TBC1D16: variants seen among roughly 807,000 people sequenced by gnomAD.
The protein encoded by TBC1D16 is TBC1 domain family member 16, also known as CTD-2529O21.1.
A neutral mutation model predicts 74.7 loss-of-function variants in TBC1D16; 58 were observed. That is an observed-to-expected ratio of 0.78 (90% confidence interval 0.63 to 0.97). The LOEUF (loss-of-function observed/expected upper bound fraction) is 0.97. TBC1D16 is among the 50% of genes least tolerant of loss of function. TBC1D16 has a pLI of 0.00. For synonymous variants in TBC1D16, 493 were observed against 474.7 expected, an observed-to-expected ratio of 1.04 and a Z score of -0.50; for missense variants, 1,014 against 1,079.5, an observed-to-expected ratio of 0.94 and a Z score of 0.85.
Position 79,944,218 on chromosome 17 carries a change from GAT to G in TBC1D16, c.1908+688_1908+689del. On this transcript the variant is annotated intron_variant, in intron 10 of 11. Coordinates refer to ENST00000310924, the MANE Select transcript of TBC1D16 (RefSeq NM_019020.4). The surrounding 1 kb of genome is among the most constrained non-coding windows in gnomAD (Gnocchi z 7.7). Reference sequence around the variant, plus strand: ...GGAGGCTGCTGGAGCTGCCGTGGTGGATAGAGCCAGCTCCTGCAAAAGGGTCC... The same window carrying G: ...GGAGGCTGCTGGAGCTGCCGTGGTGGAGAGCCAGCTCCTGCAAAAGGGTCC... 1 of 1,410,750 alleles carries G rather than the reference GAT, an allele frequency of 7.1e-7. No homozygotes were observed. Among genetic ancestry groups the G allele is most frequent in the South Asian group, 1.2e-5 (1 of 80,838 alleles). The allele number at this position is 1,410,750 out of a possible 1,614,324, so 87.4% of individuals were successfully genotyped here.
At chr17:80,017,802 A>G (rs868231194) in intron 1 of TBC1D16, among the ~76,000 whole-genome samples, 2 of 152,176 alleles carry the variant, frequency 1.3e-5, no homozygotes, top group African/African-American at 4.8e-5. Context: ...AGACCATCTG[A>G]CCAAATCCAG....
chr17:80,025,226 A>T (rs1598445568), intron 1 of TBC1D16, among the ~76,000 whole-genome samples: 1 of 149,662 alleles, frequency 6.7e-6, no homozygotes, highest in Non-Finnish European at 1.5e-5. Context: ...ACACACAGCC[A>T]CCCTCTGCTC....
At chr17:79,978,059 C>T (rs1485338428) in intron 3 of TBC1D16, among the ~76,000 whole-genome samples, 1 of 152,220 alleles carries the variant, frequency 6.6e-6, no homozygotes, top group Non-Finnish European at 1.5e-5. Flanking sequence ...CACAGCCGGC[C>T]GGATTCTGCC....
chr17:80,015,647 T>C (rs1334046977), intron 1 of TBC1D16, among the ~76,000 whole-genome samples: 2 of 151,942 alleles, frequency 1.3e-5, no homozygotes, highest in Admixed American at 1.3e-4. Flanking sequence ...GAAGCCAACA[T>C]GATAAGAATT....
chr17:79,948,807 C>T (rs2032782090), intron 8 of TBC1D16, 65 bp downstream of exon 8: 1 of 1,606,712 alleles, frequency 6.2e-7, no homozygotes, highest in African/African-American at 1.3e-5. Context: ...CATCCACTTC[C>T]CAGAGCGGTC....
Position 79,987,921 on chromosome 17 carries a change from G to C in TBC1D16, c.779+22239C>G, listed in dbSNP as rs145065412. Reference sequence around the variant, plus strand: ...ATGCAGAGGCTCAGAAAAACCCTCCGAGGCTCTCGGATTTTACGCCTGCAT... The same window carrying C: ...ATGCAGAGGCTCAGAAAAACCCTCCCAGGCTCTCGGATTTTACGCCTGCAT... On this transcript the variant is annotated intron_variant, in intron 3 of 11. Transcript: ENST00000310924. This position sits in a 1 kb window ranked among gnomAD's most constrained non-coding sequence, Gnocchi z 5.2. Among the ~76,000 whole-genome samples the C allele has an allele frequency of 1.4e-4, 22 of 152,142 alleles. No homozygotes were observed. Among genetic ancestry groups the C allele is most frequent in the African/African-American group, 5.1e-4 (21 of 41,504 alleles).
chr17:79,944,271 G>GTTTT lies in TBC1D16; in HGVS notation c.1908+633_1908+636dup, dbSNP rs981210031. 6.6e-6 allele frequency among the ~76,000 whole-genome samples: 1 copy of GTTTT among 150,726 alleles called. No individual in the cohort carries two copies. The highest frequency in any genetic ancestry group is 1.5e-5 in the Non-Finnish European group (1 of 67,540). ...AGCCCTCCTGGATGCGTCGATGTGA[G>GTTTT]TTTTTTTTTTAAAAGGCTGATGGAC... On this transcript the variant is annotated intron_variant, in intron 10 of 11. Transcript: ENST00000310924. The surrounding 1 kb of genome is among the most constrained non-coding windows in gnomAD (Gnocchi z 7.7).
chr17:79,981,495 C>T lies in TBC1D16; in HGVS notation c.779+28665G>A, dbSNP rs2034577994. Among the ~76,000 whole-genome samples, 1 of 152,220 alleles carries T rather than the reference C, an allele frequency of 6.6e-6. No homozygotes were observed. The highest frequency in any genetic ancestry group is 1.5e-5 in the Non-Finnish European group (1 of 68,042). On this transcript the variant is annotated intron_variant, in intron 3 of 11. Coordinates refer to ENST00000310924, the MANE Select transcript of TBC1D16 (RefSeq NM_019020.4). The surrounding 1 kb of genome is among the most constrained non-coding windows in gnomAD (Gnocchi z 6.9). ...GTGCCCCCGACAAGTTTAACCCCTTCCTTCTTTGGCACACACTTCACAAAA... is the reference window on the plus strand; with the variant it reads ...GTGCCCCCGACAAGTTTAACCCCTTTCTTCTTTGGCACACACTTCACAAAA...
intron 9 of TBC1D16, among the ~76,000 whole-genome samples, chr17:79,945,598 G>T (rs1291635926): frequency 1.3e-5 from 2 of 152,236 alleles, no homozygotes; most frequent in East Asian, 3.8e-4. Context: ...ATCTCCCAAT[G>T]ATGTGGGACA....
In TBC1D16 at chr17:79,986,354, TAGAC is replaced by T. The variant is rs2034834010; in HGVS notation, c.779+23802_779+23805del. Among the ~76,000 whole-genome samples, 1 of 152,240 alleles carries T rather than the reference TAGAC, an allele frequency of 6.6e-6. No individual in the cohort carries two copies. Among genetic ancestry groups the T allele is most frequent in the Admixed American group, 6.5e-5 (1 of 15,290 alleles). On this transcript the variant is annotated intron_variant, in intron 3 of 11. Transcript: ENST00000310924. The surrounding 1 kb of genome is among the most constrained non-coding windows in gnomAD (Gnocchi z 6.0). ...CGCAAGGTGATCTCTGAGCACCTCTTAGACAGAAGTCTGGGCAGACGCAAATGTG... is the reference window on the plus strand; with the variant it reads ...CGCAAGGTGATCTCTGAGCACCTCTTAGAAGTCTGGGCAGACGCAAATGTG...
rs530139793 is a variant in TBC1D16, at chr17:79,941,217, C to T, written c.2056-110G>A. The T allele has an allele frequency of 2.5e-5, 28 of 1,100,362 alleles. No individual in the cohort carries two copies. Among genetic ancestry groups the T allele is most frequent in the South Asian group, 1.3e-4 (8 of 61,366 alleles). The allele number at this position is 1,100,362 out of a possible 1,614,324, so 68.2% of individuals were successfully genotyped here. On this transcript the variant is annotated intron_variant, in intron 11 of 11. Transcript: ENST00000310924. This position sits in a 1 kb window ranked among gnomAD's most constrained non-coding sequence, Gnocchi z 4.3. ...ACAGCAGCAACAACGGCCTGCACCTCGGGGGCTCACCGAGTCCTGGACTGA... is the reference window on the plus strand; with the variant it reads ...ACAGCAGCAACAACGGCCTGCACCTTGGGGGCTCACCGAGTCCTGGACTGA...
rs777152752 is a variant in TBC1D16 at position 79,986,865 on chromosome 17, G to T, written c.779+23295C>A. ...CCTGAGGCCGGGCCGGTGGGAGGGC[G>T]TGATGCATGGGAGGAGCTGGACTGC... On this transcript the variant is annotated intron_variant, in intron 3 of 11. Coordinates refer to ENST00000310924, the MANE Select transcript of TBC1D16 (RefSeq NM_019020.4). The surrounding 1 kb of genome is among the most constrained non-coding windows in gnomAD (Gnocchi z 6.0). Among the ~76,000 whole-genome samples the T allele has an allele frequency of 6.6e-6, 1 of 152,238 alleles. No homozygotes were observed. Among genetic ancestry groups the T allele is most frequent in the African/African-American group, 2.4e-5 (1 of 41,464 alleles).
At chr17:79,997,312 G>T (rs1040986035) in intron 3 of TBC1D16, among the ~76,000 whole-genome samples, 2 of 152,044 alleles carry the variant, frequency 1.3e-5, no homozygotes, top group Non-Finnish European at 2.9e-5. Flanking sequence ...ATGTCACCAT[G>T]GGGGGAAGTG....
intron 1 of TBC1D16, among the ~76,000 whole-genome samples, chr17:80,024,804 G>A (rs192286638): frequency 4.9e-5 from 7 of 141,766 alleles, no homozygotes; most frequent in South Asian, 2.3e-4. Context: ...ACAAACCATA[G>A]GCACATACAC....
At chr17:80,013,188 C>A (rs941653767) in intron 2 of TBC1D16, among the ~76,000 whole-genome samples, 179 bp downstream of exon 2, 5 of 152,246 alleles carry the variant, frequency 3.3e-5, no homozygotes, top group African/African-American at 9.6e-5. Flanking sequence ...CCCAGCCTGC[C>A]ATGAGCCAGA....
rs577359015 is a variant in TBC1D16 at position 79,944,843 on chromosome 17, G to A, written c.1908+65C>T. 104 of 1,400,642 alleles carry A rather than the reference G, an allele frequency of 7.4e-5. No homozygotes were observed. The highest frequency in any genetic ancestry group is 9.7e-5 in the Non-Finnish European group (102 of 1,047,064). The allele number at this position is 1,400,642 out of a possible 1,614,324, so 86.8% of individuals were successfully genotyped here. ...CGAGGCGGACAGGGGCAGCAGGCAGGGTGGCCACGGTGGTTCAGGGGCCAT... is the reference window on the plus strand; with the variant it reads ...CGAGGCGGACAGGGGCAGCAGGCAGAGTGGCCACGGTGGTTCAGGGGCCAT... On this transcript the variant is annotated intron_variant, in intron 10 of 11. Transcript: ENST00000310924. The surrounding 1 kb of genome is among the most constrained non-coding windows in gnomAD (Gnocchi z 7.7).
In TBC1D16 at chr17:79,983,311, GGT is replaced by G. The variant is rs1220062498; in HGVS notation, c.779+26847_779+26848del. ...TGGCCCCACCCCAGGAAATGCAGTCGGTGTGTCTTAGGAGGTTGAGTGCACAT... is the reference window on the plus strand; with the variant it reads ...TGGCCCCACCCCAGGAAATGCAGTCGGTGTCTTAGGAGGTTGAGTGCACAT... On this transcript the variant is annotated intron_variant, in intron 3 of 11. Coordinates refer to ENST00000310924, the MANE Select transcript of TBC1D16 (RefSeq NM_019020.4). This position sits in a 1 kb window ranked among gnomAD's most constrained non-coding sequence, Gnocchi z 5.6. Among the ~76,000 whole-genome samples, 1 of 152,216 alleles carries G rather than the reference GGT, an allele frequency of 6.6e-6. No homozygotes were observed. Among genetic ancestry groups the G allele is most frequent in the Non-Finnish European group, 1.5e-5 (1 of 68,028 alleles).
intron 3 of TBC1D16, among the ~76,000 whole-genome samples, chr17:79,953,825 G>A (rs1408651608): frequency 6.6e-6 from 1 of 151,102 alleles, no homozygotes; most frequent in Non-Finnish European, 1.5e-5. Flanking sequence ...AGGCTGGAGT[G>A]CAGTGTGCGA....
intron 3 of TBC1D16, among the ~76,000 whole-genome samples, chr17:79,972,027 C>T (rs2034129700): frequency 6.6e-6 from 1 of 152,190 alleles, no homozygotes; most frequent in Admixed American, 6.5e-5. Context: ...GGGACTCGAA[C>T]AGGTATGTGT....
Sources: allele counts gnomAD v4.1 joint callset (sites outside exome capture counted in the v4.1 genomes callset), GRCh38; gene constraint gnomAD v4.1.1; non-coding constraint Gnocchi (gnomAD v3.1); transcripts MANE v1.5; gene names NCBI Gene and HGNC (gene_info 2026-07-23, HGNC 2026-07-21).